The following GATA4 variants were observed in gnomAD, a reference collection of about 807,000 sequenced individuals.
The protein encoded by GATA4 is transcription factor GATA-4.
In GATA4, 7 loss-of-function variants were observed where a neutral mutation model predicts 37.9. That is an observed-to-expected ratio of 0.18 (90% confidence interval 0.11 to 0.35). The LOEUF is 0.35. Ranked by LOEUF, GATA4 falls within the 10% of genes least tolerant of loss-of-function variation. The pLI, the probability that GATA4 is intolerant of heterozygous loss-of-function variation, is 1.00. For missense variants in GATA4, 647 were observed against 653.0 expected, an observed-to-expected ratio of 0.99 and a Z score of 0.10; for synonymous variants, 372 against 292.6, an observed-to-expected ratio of 1.27 and a Z score of -2.77.
rs1472928054 is a variant in GATA4, at chr8:11,753,996, G to A, written c.913-1050G>A. On this transcript the variant is annotated intron_variant, in intron 4 of 6. Coordinates refer to ENST00000532059, the MANE Select transcript of GATA4 (RefSeq NM_001308093.3). ...GGGCCTGCCTCCCAACAGAACTGTG[G>A]TCAAAGTGTTGTCCAGGGACATTTT... Among the ~76,000 whole-genome samples, 3 of 152,190 alleles carry A rather than the reference G, an allele frequency of 2.0e-5. 1 individual carries two copies. Among genetic ancestry groups the A allele is most frequent in the African/African-American group, 7.2e-5 (3 of 41,442 alleles).
At chr8:11,724,391 AT>A (rs1275211403) in intron 2 of GATA4, among the ~76,000 whole-genome samples, 1 of 152,080 alleles carries the variant, frequency 6.6e-6, no homozygotes, top group Non-Finnish European at 1.5e-5. Flanking sequence ...CCATCATCCC[AT>A]TTTCCAGAGA....
At chr8:11,680,981 C>A (rs946634428) in intron 1 of GATA4, 2 of 969,840 alleles carry the variant, frequency 2.1e-6, no homozygotes, top group African/African-American at 3.5e-5. Flanking sequence ...ATCTCAATAT[C>A]CCCCTGCAGA....
chr8:11,680,545 T>A (rs1454142921), intron 1 of GATA4: 2 of 985,294 alleles, frequency 2.0e-6, no homozygotes, highest in African/African-American at 3.5e-5. Context: ...GCCGACGTCC[T>A]TCGTGGTCGC....
chr8:11,734,649 G>T (rs1245370557), intron 2 of GATA4, among the ~76,000 whole-genome samples: 1 of 152,136 alleles, frequency 6.6e-6, no homozygotes, highest in East Asian at 1.9e-4. Flanking sequence ...ACCATGCTCG[G>T]CTAATTTTTG....
In GATA4 at chr8:11,708,945, G is replaced by C. The variant is rs750007328; in HGVS notation, c.616+17G>C. On this transcript the variant is annotated intron_variant, in intron 2 of 6. Coordinates refer to ENST00000532059, the MANE Select transcript of GATA4 (RefSeq NM_001308093.3). This position sits in a 1 kb window ranked among gnomAD's most constrained non-coding sequence, Gnocchi z 6.7. ...CCAATCTCGGTGAGTAGGAGCGCGAGGGCTGGGGCGCGTGAGGGCCGGGGC... is the reference window on the plus strand; with the variant it reads ...CCAATCTCGGTGAGTAGGAGCGCGACGGCTGGGGCGCGTGAGGGCCGGGGC... 8.6e-6 allele frequency: 13 copies of C among 1,520,154 alleles called. No homozygotes were observed. In the South Asian group the frequency reaches 1.2e-4, roughly 14 times the overall value. 94.2% of individuals were successfully genotyped at this position (1,520,154 alleles called of 1,614,324 possible).
At chr8:11,754,451 C>G (rs1369881930) in intron 4 of GATA4, among the ~76,000 whole-genome samples, 2 of 152,178 alleles carry the variant, frequency 1.3e-5, no homozygotes, top group African/African-American at 4.8e-5. Flanking sequence ...CTCCTGGGCT[C>G]AAGCAGTCCT....
chr8:11,724,837 A>G lies in GATA4; in HGVS notation c.616+15909A>G, dbSNP rs564281813. ...GAGTGAGTGGGTGATGACAGAGGAC[A>G]TGGAGGGAAGGAAAGTCACAGGCCA... On this transcript the variant is annotated intron_variant, in intron 2 of 6. Transcript: ENST00000532059. Among the ~76,000 whole-genome samples, 15 of 152,328 alleles carry G rather than the reference A, an allele frequency of 9.8e-5. No individual in the cohort carries two copies. In the South Asian group the frequency reaches 2.7e-3, roughly 27 times the overall value.
intron 2 of GATA4, among the ~76,000 whole-genome samples, chr8:11,735,999 A>C (rs1801436404): frequency 6.6e-6 from 1 of 152,148 alleles, no homozygotes; most frequent in African/African-American, 2.4e-5. Flanking sequence ...GCAGGCCTGA[A>C]GTCCCAGGCT....
chr8:11,756,357 C>G (rs980105000), intron 5 of GATA4: 1 of 166,922 alleles, frequency 6.0e-6, no homozygotes, highest in African/African-American at 2.4e-5. Flanking sequence ...TCCTGCTTCC[C>G]TACTGCTGAC....
At chr8:11,680,282 G>C (rs1449458828) in intron 1 of GATA4, among the ~76,000 whole-genome samples, 4 of 152,240 alleles carry the variant, frequency 2.6e-5, no homozygotes, top group Non-Finnish European at 1.5e-5. Context: ...GGTGGAGCAG[G>C]CTACTTCAGC....
At chr8:11,718,417 A>G (rs548438329) in intron 2 of GATA4, among the ~76,000 whole-genome samples, 1 of 152,376 alleles carries the variant, frequency 6.6e-6, no homozygotes, top group African/African-American at 2.4e-5. Context: ...CCAAAGGAGG[A>G]GTAAAATCCA....
intron 2 of GATA4, among the ~76,000 whole-genome samples, chr8:11,720,196 G>A (rs1246580085): frequency 6.6e-6 from 1 of 151,928 alleles, no homozygotes; most frequent in Middle Eastern, 3.4e-3. Flanking sequence ...TACAGCAATG[G>A]TGAGAAGGAC....
chr8:11,714,566 G>A (rs550914008), intron 2 of GATA4, among the ~76,000 whole-genome samples: 1 of 152,182 alleles, frequency 6.6e-6, no homozygotes. Context: ...TCAGAGTTGG[G>A]GTTGGTCTGT....
At chr8:11,692,675 G>C in intron 1 of GATA4, 1 of 985,162 alleles carries the variant, frequency 1.0e-6, no homozygotes, top group Non-Finnish European at 1.2e-6. Context: ...GTGCGGGGGT[G>C]CGGGGGTGAG....
chr8:11,731,592 A>C (rs1178204610), intron 2 of GATA4, among the ~76,000 whole-genome samples: 1 of 152,176 alleles, frequency 6.6e-6, no homozygotes, highest in Non-Finnish European at 1.5e-5. Flanking sequence ...GGGGTGCGGG[A>C]GGATGGGGAG....
chr8:11,725,487 G>A (rs555384937), intron 2 of GATA4, among the ~76,000 whole-genome samples: 61 of 152,360 alleles, frequency 4.0e-4, no homozygotes, highest in Admixed American at 7.2e-4. Context: ...TGCCAGGGAG[G>A]GAACTTGCAG....
intron 2 of GATA4, among the ~76,000 whole-genome samples, chr8:11,734,520 C>T (rs912990202): frequency 6.6e-6 from 1 of 152,124 alleles, no homozygotes; most frequent in Admixed American, 6.5e-5. Context: ...GAGTTTTGCT[C>T]TTGTTGCCCA....
chr8:11,757,040 C>G lies in GATA4; in HGVS notation c.1106C>G (p.Pro369Arg), dbSNP rs775379687. The G allele has an allele frequency of 1.1e-5, 17 of 1,614,254 alleles. No individual in the cohort carries two copies. The Admixed American group carries it at 2.2e-4, about 21-fold the overall frequency. Residue 369 changes from proline (P) to arginine (R), a missense_variant, in exon 6 of 7, where the codon CCT becomes CGT. Coordinates refer to ENST00000532059, the MANE Select transcript of GATA4 (RefSeq NM_001308093.3). ...GAGATGCGTCCCATCAAGACGGAGC[C>G]TGGCCTGTCATCTCACTACGGGCAC... ...SEEMRPIKTEPGLSSHYGHSS... is the reference protein window; with the variant it reads ...SEEMRPIKTERGLSSHYGHSS...
Position 11,708,910 on chromosome 8 carries a change from G to T in GATA4, c.598G>T (p.Ala200Ser), listed in dbSNP as rs1323823544. The T allele has an allele frequency of 2.0e-6, 3 of 1,527,152 alleles. No individual in the cohort carries two copies. Among genetic ancestry groups the T allele is most frequent in the Non-Finnish European group, 2.6e-6 (3 of 1,143,530 alleles). 94.6% of individuals were successfully genotyped at this position (1,527,152 alleles called of 1,614,324 possible). Residue 200 changes from alanine to serine, a missense_variant, in exon 2 of 7, where the codon GCC becomes TCC. Around this residue, in one of 5 missense-constraint regions of GATA4, gnomAD observed 379 missense variants for 334.5 expected, o/e 1.13. Coordinates refer to ENST00000532059, the MANE Select transcript of GATA4 (RefSeq NM_001308093.3). This position sits in a 1 kb window ranked among gnomAD's most constrained non-coding sequence, Gnocchi z 6.7. The stretch of plus-strand genomic sequence containing the variant: ...CCTGCCCGGCCGGGCCAACCCGGCC[G>T]CCCGACACCCCAATCTCGGTGAGTA... ...HSLPGRANPA[A>S]RHPNLVDMFD...
Sources: allele counts gnomAD v4.1 joint callset (sites outside exome capture counted in the v4.1 genomes callset), GRCh38; gene constraint gnomAD v4.1.1; regional missense constraint gnomAD v4.1.1; non-coding constraint Gnocchi (gnomAD v3.1); transcripts MANE v1.5; gene names NCBI Gene and HGNC (gene_info 2026-07-23, HGNC 2026-07-21).